Variants in C9 observed in about 807,000 individuals in gnomAD.
C9 encodes the protein complement C9.
In C9, 63 loss-of-function variants were observed where a neutral mutation model predicts 65.4. The observed-to-expected ratio is 0.96, with a 90% CI of 0.79 to 1.19. The LOEUF (loss-of-function observed/expected upper bound fraction) is 1.19. Ranked by LOEUF, C9 falls within the 50% of genes most tolerant of loss-of-function variation. The pLI is 0.00. For synonymous variants in C9, 229 were observed against 227.9 expected, an observed-to-expected ratio of 1.00 and a Z score of -0.04; for missense variants, 744 against 670.1, an observed-to-expected ratio of 1.11 and a Z score of -1.22.
At chr5:39,316,946 C>A (rs148126253) in intron 5 of C9, among the ~76,000 whole-genome samples, 1,797 of 152,226 alleles carry the variant, frequency 0.012, 15 homozygotes, top group Middle Eastern at 0.021. Flanking sequence ...ATAGTTGAAC[C>A]AATTTACACA....
At chr5:39,287,479 C>A (rs1347807778) in intron 10 of C9, among the ~76,000 whole-genome samples, 1 of 151,904 alleles carries the variant, frequency 6.6e-6, no homozygotes, top group Non-Finnish European at 1.5e-5. Flanking sequence ...GAAAAAGATG[C>A]CTGCACACAT....
At chr5:39,335,389 C>T (rs1263935972) in intron 4 of C9, among the ~76,000 whole-genome samples, 1 of 152,138 alleles carries the variant, frequency 6.6e-6, no homozygotes, top group Non-Finnish European at 1.5e-5. Flanking sequence ...AAAACTAGGC[C>T]AAGGAAGAAT....
intron 1 of C9, among the ~76,000 whole-genome samples, chr5:39,357,950 C>G (rs1247624569): frequency 6.6e-6 from 1 of 152,088 alleles, no homozygotes; most frequent in Non-Finnish European, 1.5e-5. Flanking sequence ...AAGCCACCTA[C>G]GAGCATGGGG....
intron 5 of C9, among the ~76,000 whole-genome samples, chr5:39,330,228 T>C (rs1342481046): frequency 2.6e-5 from 4 of 152,232 alleles, no homozygotes; most frequent in Non-Finnish European, 4.4e-5. Context: ...TGTTAGATTA[T>C]GTGATGCTGC....
At chr5:39,347,200 G>C (rs1185605233) in intron 1 of C9, among the ~76,000 whole-genome samples, 1 of 152,020 alleles carries the variant, frequency 6.6e-6, no homozygotes, top group Non-Finnish European at 1.5e-5. Context: ...AGAAATAAAG[G>C]GTATTCAATT....
chr5:39,362,508 C>T (rs1754538880), intron 1 of C9, among the ~76,000 whole-genome samples: 1 of 152,172 alleles, frequency 6.6e-6, no homozygotes, highest in Admixed American at 6.5e-5. Context: ...TTTCAGACTT[C>T]TAACCTCCAG....
At chr5:39,351,502 G>A (rs111481858) in intron 1 of C9, among the ~76,000 whole-genome samples, 11,791 of 152,102 alleles carry the variant, frequency 0.078, 626 homozygotes, top group Middle Eastern at 0.16. Context: ...TTGCTTATGC[G>A]AATGAGCATA....
At chr5:39,302,001 T>A (rs1201731250) in intron 9 of C9, among the ~76,000 whole-genome samples, 1 of 152,038 alleles carries the variant, frequency 6.6e-6, no homozygotes, top group Non-Finnish European at 1.5e-5. Context: ...TGTTATACCC[T>A]TCAAAGGAAA....
chr5:39,312,432 T>C lies in C9; in HGVS notation c.871-1055A>G, dbSNP rs1753500797. 2.6e-5 allele frequency among the ~76,000 whole-genome samples: 4 copies of C among 152,184 alleles called. No individual in the cohort carries two copies. The South Asian group carries it at 8.3e-4, about 32-fold the overall frequency. On this transcript the variant is annotated intron_variant, in intron 6 of 10. Coordinates refer to ENST00000263408, the MANE Select transcript of C9 (RefSeq NM_001737.5). ...ATCAAGTTATTTGTCCCAAAACATA[T>C]GAATAATACTTGACAGCATTGGTAC...
chr5:39,347,420 C>G (rs58742708), intron 1 of C9, among the ~76,000 whole-genome samples: 6,591 of 152,196 alleles, frequency 0.043, 470 homozygotes, highest in African/African-American at 0.15. Flanking sequence ...CTCCCATTCA[C>G]AATTGCTTCA....
At chr5:39,300,934 A>AT in intron 9 of C9, among the ~76,000 whole-genome samples, 1 of 152,066 alleles carries the variant, frequency 6.6e-6, no homozygotes, top group East Asian at 1.9e-4. Context: ...GAGAGTTAAT[A>AT]TTTTTCGTGT....
intron 4 of C9, among the ~76,000 whole-genome samples, chr5:39,332,244 A>G (rs1340690376): frequency 6.6e-6 from 1 of 152,150 alleles, no homozygotes; most frequent in African/African-American, 2.4e-5. Flanking sequence ...TTTTTCATCT[A>G]TGAATCAACA....
intron 9 of C9, among the ~76,000 whole-genome samples, chr5:39,305,235 C>T (rs1561336087): frequency 1.3e-5 from 2 of 152,034 alleles, no homozygotes; most frequent in Non-Finnish European, 2.9e-5. Flanking sequence ...CTTTTTTCCC[C>T]CTTTTTGTCC....
Position 39,339,651 on chromosome 5 carries a change from CTTTTTTTTTTTTTT to C in C9, c.476+1481_476+1494del, listed in dbSNP as rs550624256. On this transcript the variant is annotated intron_variant, in intron 4 of 10. Coordinates refer to ENST00000263408, the MANE Select transcript of C9 (RefSeq NM_001737.5). ...GGTCTCCAGATACTGTCTTTTCTCT[CTTTTTTTTTTTTTT>C]TTTTTTTTTTTTGAGATGGAGTCTT... Among the ~76,000 whole-genome samples, 6 of 57,494 alleles carry C rather than the reference CTTTTTTTTTTTTTT, an allele frequency of 1.0e-4. 1 individual carries two copies. The highest frequency in any genetic ancestry group is 4.4e-4 in the African/African-American group (6 of 13,584). 37.7% of individuals were successfully genotyped at this position (57,494 alleles called of 152,430 possible).
chr5:39,313,370 ACTTCTTAGCCCTCAT>A (rs71867118), intron 6 of C9, among the ~76,000 whole-genome samples: 58,873 of 151,822 alleles, frequency 0.39, 12,666 homozygotes, highest in Non-Finnish European at 0.48. Context: ...GCCTATGATC[ACTTCTTAGCCCTCAT>A]CTTCTTAGCC....
chr5:39,345,672 C>A (rs1471986222), intron 1 of C9, among the ~76,000 whole-genome samples: 6 of 152,168 alleles, frequency 3.9e-5, no homozygotes, highest in South Asian at 2.1e-4. Flanking sequence ...ACCAAGTGGA[C>A]CTAATAGACA....
intron 5 of C9, among the ~76,000 whole-genome samples, chr5:39,319,367 T>A (rs553450645): frequency 1.2e-4 from 19 of 152,166 alleles, no homozygotes; most frequent in Admixed American, 3.9e-4. Flanking sequence ...CAGGCCAGCC[T>A]CCATGGCCTC....
chr5:39,354,693 G>C lies in C9; in HGVS notation c.77+9695C>G, dbSNP rs201785085. 6.6e-5 allele frequency among the ~76,000 whole-genome samples: 10 copies of C among 152,248 alleles called. No individual in the cohort carries two copies. In the East Asian group the frequency reaches 1.9e-3, roughly 29 times the overall value. On this transcript the variant is annotated intron_variant, in intron 1 of 10. Coordinates refer to ENST00000263408, the MANE Select transcript of C9 (RefSeq NM_001737.5). ...GTCCCCAAGCTCACTGATATTTTTA[G>C]CTAGAATGTAAACTCTAGCTAGTTA... is the stretch of plus-strand genomic sequence containing the variant.
intron 9 of C9, among the ~76,000 whole-genome samples, chr5:39,296,739 A>G (rs1361041628): frequency 6.6e-6 from 1 of 151,680 alleles, no homozygotes; most frequent in Non-Finnish European, 1.5e-5. Context: ...ACACAATGGA[A>G]TACTATTAAG....
Sources: gnomAD v4.1 joint callset for allele counts (sites outside exome capture counted in the v4.1 genomes callset) on GRCh38, gnomAD v4.1.1 for gene constraint, MANE v1.5 for transcripts, NCBI Gene and HGNC (gene_info 2026-07-23, HGNC 2026-07-21) for gene names.